SPTBN1: variants seen among roughly 807,000 people sequenced by gnomAD.
SPTBN1 encodes the protein spectrin beta chain, non-erythrocytic 1.
In SPTBN1, 32 loss-of-function variants were observed where a neutral mutation model predicts 266.4. That is an observed-to-expected ratio of 0.12 (90% CI 0.09 to 0.16). SPTBN1 has a LOEUF of 0.16. Among genes scored for constraint, SPTBN1 ranks in the 10% least tolerant of loss-of-function variants. SPTBN1 has a pLI of 1.00. For missense variants in SPTBN1, 2,296 were observed against 3,067.1 expected (o/e 0.75, Z 5.94); for synonymous variants, 1,336 against 1,162.2 (o/e 1.15, Z -3.04).
At chr2:54,632,140 T>G (rs1678780804) in intron 16 of SPTBN1, among the ~76,000 whole-genome samples, 1 of 151,562 alleles carries the variant, frequency 6.6e-6, no homozygotes, top group Non-Finnish European at 1.5e-5. Context: ...CAGTCTGTCT[T>G]CTTGCTCTAG....
chr2:54,477,614 G>A (rs943544722), intron 1 of SPTBN1, among the ~76,000 whole-genome samples: 2 of 151,996 alleles, frequency 1.3e-5, no homozygotes, highest in African/African-American at 4.8e-5. Flanking sequence ...CTGCCATTAC[G>A]ATTAAGACTG....
rs1681628226 is a variant in SPTBN1 at position 54,669,972 on chromosome 2, T to C, written c.*1403T>C. The C allele has an allele frequency of 6.6e-6, 1 of 152,226 alleles. No individual in the cohort carries two copies. Among genetic ancestry groups the C allele is most frequent in the Non-Finnish European group, 1.5e-5 (1 of 68,038 alleles). 9.4% of individuals were successfully genotyped at this position (152,226 alleles called of 1,614,324 possible). ...AATTTGTTCTGTAAAGGGACAGAGA[T>C]AGTAAATATTTTAGGCTTTGTAGGC... On this transcript the variant is annotated 3_prime_UTR_variant, in exon 36 of 36. Transcript: ENST00000356805.
intron 1 of SPTBN1, among the ~76,000 whole-genome samples, chr2:54,494,142 A>G (rs1164444017): frequency 6.6e-6 from 1 of 152,084 alleles, no homozygotes; most frequent in Non-Finnish European, 1.5e-5. Context: ...CATAATTGTA[A>G]TTAATACAGA....
chr2:54,651,364 C>T (rs1161595432), intron 26 of SPTBN1, among the ~76,000 whole-genome samples: 3 of 89,438 alleles, frequency 3.4e-5, no homozygotes, highest in Admixed American at 1.2e-4. Flanking sequence ...CTCACCATAC[C>T]CACTGGGCTA....
intron 29 of SPTBN1, 104 bp downstream of exon 29, chr2:54,656,102 G>T: frequency 9.7e-7 from 1 of 1,030,664 alleles, no homozygotes; most frequent in South Asian, 1.6e-5. Context: ...AAGATTGTTC[G>T]AGTTGTAGAT....
intron 1 of SPTBN1, among the ~76,000 whole-genome samples, chr2:54,464,782 T>TG: frequency 6.6e-6 from 1 of 152,134 alleles, no homozygotes; most frequent in Non-Finnish European, 1.5e-5. Flanking sequence ...CTTGACCTCC[T>TG]GGGTTCAAGC....
chr2:54,482,241 A>G (rs1238662118), intron 1 of SPTBN1, among the ~76,000 whole-genome samples: 1 of 152,110 alleles, frequency 6.6e-6, no homozygotes, highest in Non-Finnish European at 1.5e-5. Context: ...TCAGCCGGGC[A>G]TGGTGGCTCA....
intron 1 of SPTBN1, among the ~76,000 whole-genome samples, chr2:54,487,847 T>TTTTTTTTTTTTTTTTTTTTTTTA (rs1668489640): frequency 1.4e-5 from 2 of 138,264 alleles, no homozygotes; most frequent in Non-Finnish European, 3.1e-5. Context: ...TTTTTTTTTT[T>TTTTTTTTTTTTTTTTTTTTTTTA]GAGACGGAGT....
intron 8 of SPTBN1, 33 bp from the exon 9 acceptor site, chr2:54,622,267 G>T: frequency 1.3e-6 from 2 of 1,599,066 alleles, no homozygotes; most frequent in South Asian, 2.2e-5. Flanking sequence ...GGAGTGACAT[G>T]ATCTTTTCAA....
chr2:54,583,388 C>T (rs1192669492), intron 2 of SPTBN1, among the ~76,000 whole-genome samples: 1 of 152,106 alleles, frequency 6.6e-6, no homozygotes, highest in African/African-American at 2.4e-5. Flanking sequence ...ATTTGCATTT[C>T]CTGTAGATGA....
At chr2:54,480,807 G>A (rs1170078646) in intron 1 of SPTBN1, among the ~76,000 whole-genome samples, 2 of 152,198 alleles carry the variant, frequency 1.3e-5, no homozygotes, top group African/African-American at 4.8e-5. Context: ...TATTGGCTGT[G>A]AATGTGGATG....
At chr2:54,485,584 C>G (rs1341901910) in intron 1 of SPTBN1, among the ~76,000 whole-genome samples, 7 of 152,258 alleles carry the variant, frequency 4.6e-5, no homozygotes, top group Non-Finnish European at 8.8e-5. Context: ...CCCAAAGTGC[C>G]GAGATTGCAG....
At chr2:54,549,080 C>T (rs767579480) in intron 2 of SPTBN1, among the ~76,000 whole-genome samples, 5 of 152,146 alleles carry the variant, frequency 3.3e-5, no homozygotes, top group Non-Finnish European at 7.3e-5. Flanking sequence ...AAGGGTAGAT[C>T]ACTTGAGGTC....
chr2:54,589,559 A>C (rs560361696), intron 2 of SPTBN1, among the ~76,000 whole-genome samples: 37 of 152,380 alleles, frequency 2.4e-4, no homozygotes, highest in Middle Eastern at 6.8e-3. Flanking sequence ...ACATGCATTT[A>C]GAGCAAATAT....
intron 20 of SPTBN1, 99 bp downstream of exon 20, chr2:54,644,685 T>TC: frequency 6.8e-7 from 1 of 1,474,248 alleles, no homozygotes; most frequent in Non-Finnish European, 9.1e-7. Flanking sequence ...GAGTCCACCT[T>TC]CCATGGGAAG....
intron 3 of SPTBN1, 39 bp from the exon 4 acceptor site, chr2:54,612,122 T>G: frequency 6.5e-7 from 1 of 1,543,412 alleles, no homozygotes. Context: ...CTCTACTCTG[T>G]TGGGTGATGT....
intron 1 of SPTBN1, among the ~76,000 whole-genome samples, chr2:54,523,541 T>C (rs1264705375): frequency 6.6e-6 from 1 of 152,236 alleles, no homozygotes. Context: ...CCCAAGAGCC[T>C]ACTGTTTATT....
At chr2:54,548,081 T>TG (rs911609646) in intron 2 of SPTBN1, among the ~76,000 whole-genome samples, 31 of 152,274 alleles carry the variant, frequency 2.0e-4, no homozygotes, top group African/African-American at 7.2e-4. Context: ...AGGTGGAGCT[T>TG]GCAGTGAGCC....
intron 34 of SPTBN1, among the ~76,000 whole-genome samples, chr2:54,666,454 G>A (rs1270246395): frequency 2.0e-5 from 3 of 152,240 alleles, no homozygotes; most frequent in Non-Finnish European, 2.9e-5. Flanking sequence ...CGACCCAGGA[G>A]ATGCTATTCT....
Sources: gnomAD v4.1 joint callset for allele counts (sites outside exome capture counted in the v4.1 genomes callset) on GRCh38, gnomAD v4.1.1 for gene constraint, MANE v1.5 for transcripts, NCBI Gene and HGNC (gene_info 2026-07-23, HGNC 2026-07-21) for gene names.